VPS13B: variants seen among roughly 807,000 people sequenced by gnomAD.
The protein encoded by VPS13B is intermembrane lipid transfer protein VPS13B.
In VPS13B, 285 loss-of-function variants were observed where a neutral mutation model predicts 426.4. The observed-to-expected ratio is 0.67, with a 90% CI of 0.61 to 0.74. VPS13B has a LOEUF of 0.74. VPS13B is among the 30% of genes least tolerant of loss of function. The pLI, the probability that VPS13B is intolerant of heterozygous loss-of-function variation, is 0.00. For synonymous variants in VPS13B, 1,676 were observed against 1,676.4 expected (o/e 1.00, Z 0.01); for missense variants, 4,537 against 4,782.6 (o/e 0.95, Z 1.51).
chr8:99,192,920 T>C lies in VPS13B; in HGVS notation c.2378T>C (p.Leu793Pro). ...GCTATAACTGAAGGTATATTTGAACTTCCAAATCTCACAATTCAAGCTACA... is the reference window on the plus strand; with the variant it reads ...GCTATAACTGAAGGTATATTTGAACCTCCAAATCTCACAATTCAAGCTACA... ...QIAITEGIFE[L>P]PNLTIQATRA... Residue 793 changes from leucine (L) to proline (P), a missense_variant, in exon 17 of 62, where the codon CTT becomes CCT. Transcript: ENST00000357162. The C allele has an allele frequency of 6.2e-7, 1 of 1,613,554 alleles. No individual in the cohort carries two copies. The highest frequency in any genetic ancestry group is 1.3e-5 in the African/African-American group (1 of 75,046).
intron 14 of VPS13B, 123 bp from the exon 15 acceptor site, chr8:99,156,426 G>C (rs976585381): frequency 2.4e-6 from 2 of 833,836 alleles, no homozygotes; most frequent in South Asian, 1.6e-5. Context: ...CTGTAGAAAG[G>C]CATCATTTCT....
rs886042930 is a variant in VPS13B at position 99,575,708 on chromosome 8, A to AT, written c.5005dup (p.Ser1669PhefsTer24). 1 of 1,613,864 alleles carries AT rather than the reference A, an allele frequency of 6.2e-7. No individual in the cohort carries two copies. Among genetic ancestry groups the AT allele is most frequent in the Non-Finnish European group, 8.5e-7 (1 of 1,179,884 alleles). On this transcript the variant is annotated frameshift_variant, in exon 32 of 62. Coordinates refer to ENST00000357162, the MANE Select transcript of VPS13B (RefSeq NM_152564.5). LOFTEE classifies it high-confidence loss of function. The stretch of plus-strand genomic sequence containing the variant: ...GCAATTTTGACCCCCGTTTTGACAG[A>AT]TTTTTCTGTCCGAATAACTGGAGCA...
At chr8:99,865,520 A>G (rs574586728) in intron 58 of VPS13B, among the ~76,000 whole-genome samples, 1 of 152,346 alleles carries the variant, frequency 6.6e-6, no homozygotes, top group South Asian at 2.1e-4. Context: ...GTCCCCTCCG[A>G]GGGAGTGACT....
At chr8:99,448,838 C>T (rs979561230) in intron 23 of VPS13B, among the ~76,000 whole-genome samples, 1 of 152,082 alleles carries the variant, frequency 6.6e-6, no homozygotes, top group Admixed American at 6.6e-5. Flanking sequence ...TTTTCCATTT[C>T]ATTGTCATTT....
intron 35 of VPS13B, among the ~76,000 whole-genome samples, chr8:99,695,405 G>T (rs1269533898): frequency 2.0e-5 from 3 of 151,068 alleles, no homozygotes; most frequent in Admixed American, 2.0e-4. Flanking sequence ...GTAGGGACAT[G>T]GATGAAACTG....
At chr8:99,564,802 A>G (rs1825105416) in intron 31 of VPS13B, among the ~76,000 whole-genome samples, 1 of 152,234 alleles carries the variant, frequency 6.6e-6, no homozygotes, top group Admixed American at 6.5e-5. Flanking sequence ...AGTGTCACAA[A>G]AAATAGAGCT....
At chr8:99,086,365 T>A (rs1159725631) in intron 3 of VPS13B, among the ~76,000 whole-genome samples, 1 of 152,156 alleles carries the variant, frequency 6.6e-6, no homozygotes, top group Non-Finnish European at 1.5e-5. Context: ...TTCGTCTAAT[T>A]TTTTTTCAAG....
At chr8:99,171,992 A>T (rs1220432286) in intron 16 of VPS13B, among the ~76,000 whole-genome samples, 2 of 152,146 alleles carry the variant, frequency 1.3e-5, no homozygotes, top group Admixed American at 6.6e-5. Context: ...ACATTAGTGG[A>T]TGAGACAGAT....
chr8:99,477,994 A>C (rs1486289079), intron 24 of VPS13B, among the ~76,000 whole-genome samples: 2 of 152,060 alleles, frequency 1.3e-5, no homozygotes, highest in Admixed American at 6.5e-5. Flanking sequence ...CTGTCCTGTA[A>C]TCCCAGCGAC....
At chr8:99,673,738 A>C (rs1304057222) in intron 35 of VPS13B, among the ~76,000 whole-genome samples, 3 of 151,900 alleles carry the variant, frequency 2.0e-5, no homozygotes, top group Non-Finnish European at 4.4e-5. Context: ...GTAGGTATTT[A>C]CTGCTGGAAA....
At chr8:99,375,659 G>A (rs1312656375) in intron 19 of VPS13B, among the ~76,000 whole-genome samples, 1 of 152,114 alleles carries the variant, frequency 6.6e-6, no homozygotes, top group Non-Finnish European at 1.5e-5. Context: ...TTTTGAAGTA[G>A]TGATTCTTCT....
At chr8:99,695,284 A>G (rs1831913109) in intron 35 of VPS13B, among the ~76,000 whole-genome samples, 1 of 148,276 alleles carries the variant, frequency 6.7e-6, no homozygotes, top group South Asian at 2.1e-4. Flanking sequence ...AATAGCAAAG[A>G]CTTGGAACCA....
chr8:99,273,839 T>A (rs1275278757), intron 17 of VPS13B, among the ~76,000 whole-genome samples: 1 of 152,104 alleles, frequency 6.6e-6, no homozygotes, highest in Admixed American at 6.5e-5. Context: ...TAAATTAAAC[T>A]TGACTTTATA....
intron 16 of VPS13B, among the ~76,000 whole-genome samples, chr8:99,170,845 A>G (rs1812291349): frequency 6.6e-6 from 1 of 151,682 alleles, no homozygotes; most frequent in Admixed American, 6.6e-5. Flanking sequence ...TTTCCAATTT[A>G]AAATGTGATT....
chr8:99,640,053 A>AGAAG (rs1364476294), intron 33 of VPS13B, among the ~76,000 whole-genome samples: 28 of 48,774 alleles, frequency 5.7e-4, no homozygotes, highest in African/African-American at 2.3e-3. Flanking sequence ...GAAGAAGAGA[A>AGAAG]AAGAAAAGAA....
At chr8:99,423,701 C>T (rs534119113) in intron 21 of VPS13B, among the ~76,000 whole-genome samples, 8 of 152,254 alleles carry the variant, frequency 5.3e-5, no homozygotes, top group African/African-American at 1.9e-4. Context: ...AGGTATACAA[C>T]TTAACTCTTT....
chr8:99,699,248 G>A (rs565599140), intron 35 of VPS13B, among the ~76,000 whole-genome samples: 64 of 145,536 alleles, frequency 4.4e-4, no homozygotes, highest in Non-Finnish European at 7.0e-4. Context: ...TGACAGCCTT[G>A]ATATCCTTGT....
intron 15 of VPS13B, among the ~76,000 whole-genome samples, chr8:99,167,305 G>A (rs1812063122): frequency 6.6e-6 from 1 of 151,776 alleles, no homozygotes; most frequent in African/African-American, 2.4e-5. Flanking sequence ...GTGTATTATT[G>A]CATACATACC....
intron 19 of VPS13B, among the ~76,000 whole-genome samples, chr8:99,360,124 T>A (rs141737364): frequency 0.17 from 4,223 of 24,798 alleles, 110 homozygotes; most frequent in African/African-American, 0.21. Context: ...TTCCTTATCT[T>A]TCTTTCTTTC....
Sources: gnomAD v4.1 joint callset for allele counts (sites outside exome capture counted in the v4.1 genomes callset) on GRCh38, gnomAD v4.1.1 for gene constraint, MANE v1.5 for transcripts, NCBI Gene and HGNC (gene_info 2026-07-23, HGNC 2026-07-21) for gene names.